TNNI3K: variants seen among roughly 807,000 people sequenced by gnomAD.
TNNI3K encodes serine/threonine-protein kinase TNNI3K.
Under a neutral mutation model 114.5 loss-of-function variants are expected in TNNI3K, and 140 were observed. The ratio of observed to expected loss-of-function variants is 1.22; its 90% CI spans 1.07 to 1.41. The LOEUF (loss-of-function observed/expected upper bound fraction) is 1.41, where lower values mean the gene tolerates loss of function less well. Ranked by LOEUF, TNNI3K falls within the 40% of genes most tolerant of loss-of-function variation. The pLI is 0.00. For missense variants in TNNI3K, 1,125 were observed against 1,007.6 expected (o/e 1.12, Z -1.58); for synonymous variants, 347 against 347.5 (o/e 1.00, Z 0.02).
In TNNI3K at chr1:74,528,652, G is replaced by A. The variant is rs1040668369; in HGVS notation, c.2352-11582G>A. Among the ~76,000 whole-genome samples, 3 of 152,206 alleles carry A rather than the reference G, an allele frequency of 2.0e-5. No individual in the cohort carries two copies. The South Asian group carries it at 6.2e-4, about 32-fold the overall frequency. ...AAACTAGAGTCAACTCTGTTGGTTG[G>A]TTTGGAACTGGAGATGTTGCTGGAA... On this transcript the variant is annotated intron_variant, in intron 23 of 24. Coordinates refer to ENST00000326637, the MANE Select transcript of TNNI3K (RefSeq NM_015978.3).
intron 11 of TNNI3K, among the ~76,000 whole-genome samples, chr1:74,362,276 G>A (rs372759470): frequency 2.4e-4 from 37 of 152,122 alleles, no homozygotes; most frequent in African/African-American, 8.9e-4. Context: ...TATCATTACT[G>A]TGAAAGTTTG....
At chr1:74,455,039 A>T (rs572420944) in intron 20 of TNNI3K, among the ~76,000 whole-genome samples, 1 of 152,300 alleles carries the variant, frequency 6.6e-6, no homozygotes, top group East Asian at 1.9e-4. Context: ...ACTGTGCCAT[A>T]GTAAGCAGAA....
At chr1:74,282,117 G>A (rs1170362902) in intron 5 of TNNI3K, among the ~76,000 whole-genome samples, 1 of 151,978 alleles carries the variant, frequency 6.6e-6, no homozygotes, top group African/African-American at 2.4e-5. Flanking sequence ...TTCCAAGGCT[G>A]CCAATAACAA....
chr1:74,305,336 T>C (rs1358447816), intron 5 of TNNI3K, among the ~76,000 whole-genome samples: 1 of 152,114 alleles, frequency 6.6e-6, no homozygotes, highest in Non-Finnish European at 1.5e-5. Flanking sequence ...ATCAGGAGGT[T>C]TTTGGAACAT....
At chr1:74,334,039 G>A (rs1251899492) in intron 6 of TNNI3K, among the ~76,000 whole-genome samples, 1 of 152,184 alleles carries the variant, frequency 6.6e-6, no homozygotes, top group Non-Finnish European at 1.5e-5. Context: ...TTTACTAACA[G>A]TTATTGAATG....
In TNNI3K at chr1:74,267,971, T is replaced by C. The variant is rs374442628; in HGVS notation, c.334-3627T>C. Among the ~76,000 whole-genome samples, 6 of 151,968 alleles carry C rather than the reference T, an allele frequency of 3.9e-5. No individual in the cohort carries two copies. In the South Asian group the frequency reaches 1.0e-3, roughly 26 times the overall value. ...CACATGCTCTGTGATTTACATAAAA[T>C]TTATTTTAATTTAGCCTAGTACAGT... On this transcript the variant is annotated intron_variant, in intron 4 of 24. Transcript: ENST00000326637.
At chr1:74,449,820 C>T (rs1666904493) in intron 20 of TNNI3K, among the ~76,000 whole-genome samples, 1 of 150,414 alleles carries the variant, frequency 6.6e-6, no homozygotes, top group Admixed American at 6.6e-5. Context: ...ATTTTAACAC[C>T]CCACTGTCAA....
chr1:74,490,728 G>T (rs1005605294), intron 22 of TNNI3K, among the ~76,000 whole-genome samples: 6 of 152,142 alleles, frequency 3.9e-5, no homozygotes, highest in Non-Finnish European at 5.9e-5. Flanking sequence ...AAGGCCAAGA[G>T]GGAGCTACTC....
intron 5 of TNNI3K, among the ~76,000 whole-genome samples, chr1:74,314,499 G>T (rs1659189713): frequency 6.6e-6 from 1 of 151,946 alleles, no homozygotes; most frequent in African/African-American, 2.4e-5. Context: ...ATAATTTTCA[G>T]ATCTCAATGA....
intron 5 of TNNI3K, among the ~76,000 whole-genome samples, chr1:74,313,374 A>G (rs370762987): frequency 1.3e-5 from 2 of 152,224 alleles, no homozygotes; most frequent in African/African-American, 4.8e-5. Context: ...GCAGGCATTC[A>G]TTAGACACTT....
At chr1:74,522,630 A>G (rs2100417404) in intron 23 of TNNI3K, among the ~76,000 whole-genome samples, 1 of 150,954 alleles carries the variant, frequency 6.6e-6, no homozygotes, top group South Asian at 2.1e-4. Context: ...CTGGTCCCTA[A>G]GGTGTATGTG....
At chr1:74,446,911 G>C (rs906307147) in intron 20 of TNNI3K, among the ~76,000 whole-genome samples, 39 of 136,992 alleles carry the variant, frequency 2.8e-4, no homozygotes, top group African/African-American at 1.1e-3. Context: ...TCTCTGTTTT[G>C]GTACCAGTAC....
chr1:74,505,328 C>G (rs193134913), intron 23 of TNNI3K, among the ~76,000 whole-genome samples: 22 of 152,336 alleles, frequency 1.4e-4, no homozygotes, highest in Non-Finnish European at 2.8e-4. Flanking sequence ...CTCCCTGACT[C>G]CAGCTCTGGC....
chr1:74,285,091 TTCATTCTG>T (rs1285452243), intron 5 of TNNI3K, among the ~76,000 whole-genome samples: 1 of 152,216 alleles, frequency 6.6e-6, no homozygotes, highest in Non-Finnish European at 1.5e-5. Context: ...GTTCTCTGAA[TTCATTCTG>T]TCATTCTGCT....
chr1:74,434,482 A>G (rs1316276445), intron 17 of TNNI3K, among the ~76,000 whole-genome samples: 1 of 151,996 alleles, frequency 6.6e-6, no homozygotes, highest in Non-Finnish European at 1.5e-5. Flanking sequence ...GGTACATGAT[A>G]AAGTCTCAGC....
chr1:74,258,985 C>T (rs1341440172), intron 4 of TNNI3K, among the ~76,000 whole-genome samples: 2 of 152,144 alleles, frequency 1.3e-5, no homozygotes, highest in Non-Finnish European at 2.9e-5. Context: ...AGCGTGGCAA[C>T]TCAAATTATG....
At chr1:74,338,751 T>C (rs1217583098) in intron 7 of TNNI3K, among the ~76,000 whole-genome samples, 2 of 152,194 alleles carry the variant, frequency 1.3e-5, no homozygotes, top group Admixed American at 1.3e-4. Flanking sequence ...AGTTTCCAAG[T>C]TGTAAACAAG....
At chr1:74,358,930 C>T (rs941824022) in intron 11 of TNNI3K, among the ~76,000 whole-genome samples, 2 of 151,760 alleles carry the variant, frequency 1.3e-5, no homozygotes, top group African/African-American at 4.8e-5. Context: ...TTTACAGATG[C>T]ATATATATGT....
At chr1:74,397,644 T>A (rs1664152530) in intron 17 of TNNI3K, among the ~76,000 whole-genome samples, 1 of 152,224 alleles carries the variant, frequency 6.6e-6, no homozygotes, top group African/African-American at 2.4e-5. Flanking sequence ...AAACCATAAC[T>A]GTTTAGATAT....
Sources: allele counts gnomAD v4.1 joint callset (sites outside exome capture counted in the v4.1 genomes callset), GRCh38; gene constraint gnomAD v4.1.1; transcripts MANE v1.5; gene names NCBI Gene and HGNC (gene_info 2026-07-23, HGNC 2026-07-21).